The following TPST1 variants were observed in gnomAD, a reference collection of about 807,000 sequenced individuals.
TPST1 encodes the protein tyrosylprotein sulfotransferase 1.
In TPST1, 20 loss-of-function variants were observed where a neutral mutation model predicts 34.8. That is an observed-to-expected ratio of 0.57 (90% CI 0.40 to 0.84). The LOEUF is 0.84. Ranked by LOEUF, TPST1 falls within the 40% of genes least tolerant of loss-of-function variation. The pLI is 0.00. For synonymous variants in TPST1, 152 were observed against 159.4 expected (o/e 0.95, Z 0.35); for missense variants, 353 against 455.5 (o/e 0.78, Z 2.05).
intron 1 of TPST1, among the ~76,000 whole-genome samples, chr7:66,218,803 C>T (rs1338993543): frequency 6.6e-6 from 1 of 151,384 alleles, no homozygotes; most frequent in African/African-American, 2.4e-5. Context: ...GCTGCGATTG[C>T]ACCACTGCAC....
rs180898673 is a variant in TPST1, at chr7:66,268,572, A to G, written c.846-17939A>G. ...TTAATAAAATAGAGAAAAATAGAATAGGATAAATAAAAACCAAAATCAATT... is the reference window on the plus strand; with the variant it reads ...TTAATAAAATAGAGAAAAATAGAATGGGATAAATAAAAACCAAAATCAATT... On this transcript the variant is annotated intron_variant, in intron 2 of 5. Transcript: ENST00000304842. 2.0e-4 allele frequency among the ~76,000 whole-genome samples: 31 copies of G among 152,366 alleles called. No individual in the cohort carries two copies. The East Asian group carries it at 6.0e-3, about 29-fold the overall frequency.
chr7:66,240,361 C>G lies in TPST1; in HGVS notation c.-65C>G. On this transcript the variant is annotated 5_prime_UTR_variant, in exon 2 of 6. Transcript: ENST00000304842. ...CTTTCTGAAGTAGACTGTCCATGGCCTGAACATTTTCCGAAAATCATTTTG... is the reference window on the plus strand; with the variant it reads ...CTTTCTGAAGTAGACTGTCCATGGCGTGAACATTTTCCGAAAATCATTTTG... The G allele has an allele frequency of 6.4e-7, 1 of 1,553,550 alleles. No homozygotes were observed. Among genetic ancestry groups the G allele is most frequent in the South Asian group, 1.3e-5 (1 of 79,768 alleles).
intron 1 of TPST1, among the ~76,000 whole-genome samples, chr7:66,219,872 T>C (rs1380733074): frequency 3.9e-5 from 6 of 152,196 alleles, no homozygotes; most frequent in Non-Finnish European, 8.8e-5. Flanking sequence ...TCAGTTTCCT[T>C]ATGTGTAAAA....
intron 2 of TPST1, among the ~76,000 whole-genome samples, chr7:66,246,034 A>G (rs1457698937): frequency 2.0e-5 from 3 of 151,598 alleles, no homozygotes; most frequent in Non-Finnish European, 2.9e-5. Context: ...TTTTGGAGAC[A>G]GGGTCTTGCT....
chr7:66,203,178 T>C (rs1276667343), upstream of TPST1, among the ~76,000 whole-genome samples: 4 of 151,834 alleles, frequency 2.6e-5, no homozygotes, highest in Non-Finnish European at 5.9e-5. Context: ...CCCACACACA[T>C]ATATACACAC....
intron 1 of TPST1, among the ~76,000 whole-genome samples, chr7:66,224,294 T>C (rs985950863): frequency 1.2e-4 from 19 of 152,238 alleles, no homozygotes; most frequent in Non-Finnish European, 1.0e-4. Flanking sequence ...TAAAATTATT[T>C]TTCCTTTTGC....
At chr7:66,299,690 C>A (rs937493) in intron 3 of TPST1, among the ~76,000 whole-genome samples, 97,598 of 151,314 alleles carry the variant, frequency 0.65, 31,781 homozygotes, top group African/African-American at 0.74. Flanking sequence ...CTGGTGACTT[C>A]TTCATTTCAG....
chr7:66,273,804 A>AT (rs1790750234), intron 2 of TPST1, among the ~76,000 whole-genome samples: 21 of 150,744 alleles, frequency 1.4e-4, no homozygotes, highest in Admixed American at 1.4e-3. Flanking sequence ...GAAAAAAAAA[A>AT]ATTTTTTTTT....
chr7:66,319,427 T>C (rs930590032), intron 3 of TPST1, among the ~76,000 whole-genome samples: 9 of 152,268 alleles, frequency 5.9e-5, no homozygotes, highest in South Asian at 2.1e-4. Context: ...AATACTCTTT[T>C]GTTCCTTTTA....
At position 66,349,477 on chromosome 7, in the gene TPST1, CAGG is replaced by C. The variant is rs1194721739; in HGVS notation, c.1045-3025_1045-3023del. ...ATCCCAGCTACTCAGGAAGCTGAGGCAGGAGAAGTGCTTGAACCTGGGAGGCAG... is the reference window on the plus strand; with the variant it reads ...ATCCCAGCTACTCAGGAAGCTGAGGCAGAAGTGCTTGAACCTGGGAGGCAG... On this transcript the variant is annotated intron_variant, in intron 3 of 5. Transcript: ENST00000304842. Among the ~76,000 whole-genome samples the C allele has an allele frequency of 2.6e-5, 4 of 152,260 alleles. No homozygotes were observed. The South Asian group carries it at 6.2e-4, about 24-fold the overall frequency.
intron 3 of TPST1, among the ~76,000 whole-genome samples, chr7:66,296,247 T>TA (rs1554349789): frequency 2.5e-5 from 1 of 40,066 alleles, no homozygotes; most frequent in Non-Finnish European, 4.7e-5. Context: ...CACCCACCCT[T>TA]CCCCCCCCCC....
Position 66,240,486 on chromosome 7 carries a change from G to A in TPST1, c.61G>A (p.Val21Met), listed in dbSNP as rs761009108. ...LACLVISSVT[V>M]FYLGQHAMEC... The stretch of plus-strand genomic sequence containing the variant: ...ATGTCTGGTGATTAGTTCTGTGACT[G>A]TGTTTTACCTGGGCCAGCATGCCAT... The change falls in exon 2 of 6, where the codon GTG becomes ATG. Residue 21 changes from valine (V) to methionine (M), a missense_variant. Val to Met is a conservative substitution (Grantham distance 21). Transcript: ENST00000304842. 6.2e-7 allele frequency: 1 copy of A among 1,614,064 alleles called. No homozygotes were observed. Among genetic ancestry groups the A allele is most frequent in the Non-Finnish European group, 8.5e-7 (1 of 1,180,028 alleles).
At position 66,240,780 on chromosome 7, in the gene TPST1, A is replaced by AT. The variant is rs776660760; in HGVS notation, c.355_356insT (p.Lys119IlefsTer8). 1 of 1,614,198 alleles carries AT rather than the reference A, an allele frequency of 6.2e-7. No individual in the cohort carries two copies. Among genetic ancestry groups the AT allele is most frequent in the Non-Finnish European group, 8.5e-7 (1 of 1,180,038 alleles). Reference sequence around the variant, plus strand: ...GAAGCAGATGTGGTCACGGTCAAGTAAAGAGAAGATCCGCCTGGATGAGGC... The same window carrying AT: ...GAAGCAGATGTGGTCACGGTCAAGTATAAGAGAAGATCCGCCTGGATGAGGC... On this transcript the variant is annotated frameshift_variant, in exon 2 of 6. Coordinates refer to ENST00000304842, the MANE Select transcript of TPST1 (RefSeq NM_003596.4). LOFTEE classifies it high-confidence loss of function.
At chr7:66,199,515 G>A in the TPST1 span, among the ~76,000 whole-genome samples, 2,274 of 151,692 alleles carry the variant, frequency 0.015, 58 homozygotes, top group East Asian at 0.092. Context: ...GGCTGGTCTC[G>A]AACTTCTGAC....
intron 3 of TPST1, among the ~76,000 whole-genome samples, chr7:66,334,991 A>G (rs985780764): frequency 6.6e-6 from 1 of 152,162 alleles, no homozygotes; most frequent in South Asian, 2.1e-4. Context: ...CAACTAGTAT[A>G]TGGATCTTGC....
chr7:66,359,558 G>C (rs1322488111), intron 5 of TPST1: 1 of 261,058 alleles, frequency 3.8e-6, no homozygotes, highest in Non-Finnish European at 7.7e-6. Flanking sequence ...TGGACATCTG[G>C]TGCCCCTGAC....
intron 2 of TPST1, among the ~76,000 whole-genome samples, chr7:66,258,953 T>C (rs1023011433): frequency 1.3e-5 from 2 of 152,316 alleles, no homozygotes; most frequent in East Asian, 1.9e-4. Flanking sequence ...TTATTTTTGG[T>C]TTATTTAATT....
chr7:66,309,893 A>G (rs551308031), intron 3 of TPST1, among the ~76,000 whole-genome samples: 12 of 151,978 alleles, frequency 7.9e-5, no homozygotes, highest in Non-Finnish European at 1.6e-4. Flanking sequence ...TGTGCATGGG[A>G]GTTATACAAT....
rs568400621 is a variant in TPST1, at chr7:66,295,298, C to A, written c.1044+8589C>A. ...TCACTTGAGCTCAGGAGTTCAAGAC[C>A]AGCCTGGACAATGTGGCAAAACCCC... On this transcript the variant is annotated intron_variant, in intron 3 of 5. Coordinates refer to ENST00000304842, the MANE Select transcript of TPST1 (RefSeq NM_003596.4). 4.6e-5 allele frequency among the ~76,000 whole-genome samples: 7 copies of A among 152,230 alleles called. No individual in the cohort carries two copies. The East Asian group carries it at 1.4e-3, about 29-fold the overall frequency.
Sources: gnomAD v4.1 joint callset for allele counts (sites outside exome capture counted in the v4.1 genomes callset) on GRCh38, gnomAD v4.1.1 for gene constraint, MANE v1.5 for transcripts, NCBI Gene and HGNC (gene_info 2026-07-23, HGNC 2026-07-21) for gene names.